Variants in DLGAP4 observed in about 807,000 individuals in gnomAD.
The protein encoded by DLGAP4 is disks large-associated protein 4.
A neutral mutation model predicts 86.9 loss-of-function variants in DLGAP4; 18 were observed. The observed-to-expected ratio is 0.21, with a 90% confidence interval of 0.14 to 0.31. The LOEUF is 0.31. DLGAP4 is among the 10% of genes least tolerant of loss of function. DLGAP4 has a pLI of 1.00. For missense variants in DLGAP4, 1,085 were observed against 1,362.6 expected (o/e 0.80, Z 3.21); for synonymous variants, 548 against 574.3 (o/e 0.95, Z 0.65).
rs182440530 is a variant in DLGAP4, at chr20:36,342,874, G to C, written c.-303-24171G>C. On this transcript the variant is annotated intron_variant, in intron 1 of 12. Coordinates refer to ENST00000339266, the MANE Select transcript of DLGAP4 (RefSeq NM_001365621.2). ...CTCAGCAGAGGCGACATTTGTGCTA[G>C]GCCCTGAGGCATGAGAAGGAGCCAT... Among the ~76,000 whole-genome samples the C allele has an allele frequency of 7.0e-4, 106 of 152,324 alleles. 2 individuals are homozygous for C. Among genetic ancestry groups the C allele is most frequent in the Non-Finnish European group, 1.1e-3 (77 of 68,036 alleles).
intron 2 of DLGAP4, among the ~76,000 whole-genome samples, chr20:36,382,082 G>C (rs780574626): frequency 1.5e-4 from 23 of 152,236 alleles, no homozygotes; most frequent in Non-Finnish European, 3.1e-4. Context: ...GTACCCCAAG[G>C]TGAGAAGTGA....
In DLGAP4 at chr20:36,306,364, G is replaced by A. The variant is rs1445893136; in HGVS notation, c.-452G>A. On this transcript the variant is annotated 5_prime_UTR_variant, in exon 1 of 13. Transcript: ENST00000339266. The surrounding 1 kb of genome is among the most constrained non-coding windows in gnomAD (Gnocchi z 4.9). Reference sequence around the variant, plus strand: ...GCAGCCGCATCTGGGGCGCCGCGCCGGCCGGAGGAGAGGCATGGGGCGCCC... The same window carrying A: ...GCAGCCGCATCTGGGGCGCCGCGCCAGCCGGAGGAGAGGCATGGGGCGCCC... 2.0e-5 allele frequency: 3 copies of A among 149,904 alleles called. No individual in the cohort carries two copies. The highest frequency in any genetic ancestry group is 7.3e-5 in the African/African-American group (3 of 41,132). The allele number at this position is 149,904 out of a possible 1,614,324, so 9.3% of individuals were successfully genotyped here. A position where few individuals can be genotyped will look rare whatever the true frequency, so the allele number is the denominator to read the frequency against.
rs1600475203 is a variant in DLGAP4 at position 36,393,487 on chromosome 20, C to T, written c.-73+26212C>T. 1.3e-5 allele frequency among the ~76,000 whole-genome samples: 2 copies of T among 152,270 alleles called. No homozygotes were observed. Among genetic ancestry groups the T allele is most frequent in the African/African-American group, 4.8e-5 (2 of 41,548 alleles). On this transcript the variant is annotated intron_variant, in intron 2 of 12. Transcript: ENST00000339266. The surrounding 1 kb of genome is among the most constrained non-coding windows in gnomAD (Gnocchi z 4.4). Reference sequence around the variant, plus strand: ...CTCTGGGGTCTGGAAACCCAGCCCTCTTGGTAAGCTGGGAAGTATGGGGCT... The same window carrying T: ...CTCTGGGGTCTGGAAACCCAGCCCTTTTGGTAAGCTGGGAAGTATGGGGCT...
At chr20:36,340,696 G>A (rs1287369506) in intron 1 of DLGAP4, among the ~76,000 whole-genome samples, 1 of 152,160 alleles carries the variant, frequency 6.6e-6, no homozygotes, top group African/African-American at 2.4e-5. Flanking sequence ...ATGAGAAGAG[G>A]CGGAGACACT....
Position 36,436,147 on chromosome 20 carries a change from G to T in DLGAP4, c.1038G>T (p.Leu346=). ...GGGGEWSTTL[L]SPRETDAAAE... is the part of the protein sequence containing the mutation. The stretch of plus-strand genomic sequence containing the variant: ...GCGGCGAGTGGAGCACCACGCTGCT[G>T]TCCCCACGCGAGACGGATGCCGCGG... The change falls in exon 4 of 13, where the codon CTG becomes CTT. Residue 346 remains leucine (L), a synonymous_variant. Coordinates refer to ENST00000339266, the MANE Select transcript of DLGAP4 (RefSeq NM_001365621.2). The T allele has an allele frequency of 1.9e-6, 3 of 1,593,368 alleles. No homozygotes were observed. Among genetic ancestry groups the T allele is most frequent in the Non-Finnish European group, 2.6e-6 (3 of 1,176,108 alleles).
chr20:36,335,405 T>A (rs1171376812), intron 1 of DLGAP4, among the ~76,000 whole-genome samples: 1 of 152,200 alleles, frequency 6.6e-6, no homozygotes, highest in Non-Finnish European at 1.5e-5. Flanking sequence ...AGCCTCTGTT[T>A]GCTCATCTAT....
intron 2 of DLGAP4, among the ~76,000 whole-genome samples, chr20:36,408,209 A>G (rs901935447): frequency 6.6e-6 from 1 of 151,774 alleles, no homozygotes; most frequent in South Asian, 2.1e-4. Context: ...TTTGGGAGAT[A>G]ATCCCCGGAA....
intron 1 of DLGAP4, among the ~76,000 whole-genome samples, chr20:36,337,316 C>T (rs1319964670): frequency 1.9e-5 from 2 of 104,040 alleles, no homozygotes; most frequent in Middle Eastern, 6.1e-3. Context: ...CTATGCCCAG[C>T]GGCAGGCTGT....
intron 2 of DLGAP4, among the ~76,000 whole-genome samples, chr20:36,395,551 T>A (rs557561344): frequency 6.6e-6 from 1 of 152,056 alleles, no homozygotes; most frequent in Non-Finnish European, 1.5e-5. Flanking sequence ...CAGGCTGGAG[T>A]GCAGTGGCGC....
chr20:36,388,905 G>A (rs375526980), intron 2 of DLGAP4, among the ~76,000 whole-genome samples: 15 of 152,320 alleles, frequency 9.8e-5, no homozygotes, highest in African/African-American at 3.1e-4. Flanking sequence ...CTCTGGCCAG[G>A]ATAAGGACCA....
At chr20:36,495,316 C>T (rs1229726640) in intron 7 of DLGAP4, among the ~76,000 whole-genome samples, 1 of 152,106 alleles carries the variant, frequency 6.6e-6, no homozygotes, top group Admixed American at 6.6e-5. Flanking sequence ...TTTCTACAGT[C>T]CTTTGTCCAC....
chr20:36,519,092 G>A (rs1055950878), intron 10 of DLGAP4, among the ~76,000 whole-genome samples: 13 of 151,556 alleles, frequency 8.6e-5, no homozygotes, highest in Non-Finnish European at 1.2e-4. Flanking sequence ...ACACCAGCCC[G>A]GGCAACAGTG....
intron 7 of DLGAP4, among the ~76,000 whole-genome samples, chr20:36,457,229 T>A (rs1340161071): frequency 1.3e-5 from 2 of 151,824 alleles, no homozygotes; most frequent in East Asian, 1.9e-4. Flanking sequence ...GAAGACTTTT[T>A]TTTTTTTAAG....
In DLGAP4 at chr20:36,307,939, C is replaced by T. The variant is rs1052211195; in HGVS notation, c.-304+1427C>T. 2.6e-5 allele frequency among the ~76,000 whole-genome samples: 4 copies of T among 152,258 alleles called. No homozygotes were observed. In the East Asian group the frequency reaches 7.7e-4, roughly 29 times the overall value. ...TTGGTGGCCACCTCTCTCTTGCCTT[C>T]TCTGCCAGAGGGCACTGGGCTGCCT... is the stretch of plus-strand genomic sequence containing the variant. On this transcript the variant is annotated intron_variant, in intron 1 of 12. Transcript: ENST00000339266.
chr20:36,307,430 T>C (rs910118320), intron 1 of DLGAP4, among the ~76,000 whole-genome samples: 7 of 152,134 alleles, frequency 4.6e-5, no homozygotes, highest in Admixed American at 6.5e-5. Flanking sequence ...CATCCCTCCA[T>C]CCCTCCATCC....
chr20:36,497,615 A>T, intron 8 of DLGAP4: 2 of 987,690 alleles, frequency 2.0e-6, no homozygotes, highest in Non-Finnish European at 1.2e-6. Context: ...AGGTGGCTTG[A>T]GGTACCAGGC....
chr20:36,400,600 G>A (rs2032127708), intron 2 of DLGAP4, among the ~76,000 whole-genome samples: 1 of 152,098 alleles, frequency 6.6e-6, no homozygotes. Context: ...GGGGTCTGAG[G>A]GGGTTGGATG....
intron 1 of DLGAP4, among the ~76,000 whole-genome samples, chr20:36,317,244 T>C (rs1408213593): frequency 5.6e-5 from 3 of 53,214 alleles, no homozygotes; most frequent in African/African-American, 2.3e-4. Context: ...TCTTTCTTTC[T>C]TTCTTTCTTT....
chr20:36,469,362 G>A (rs1185660581), intron 7 of DLGAP4, among the ~76,000 whole-genome samples: 1 of 152,038 alleles, frequency 6.6e-6, no homozygotes, highest in Non-Finnish European at 1.5e-5. Context: ...TGGGCCTGTG[G>A]CTTAGGTCTA....
Sources: allele counts gnomAD v4.1 joint callset (sites outside exome capture counted in the v4.1 genomes callset), GRCh38; gene constraint gnomAD v4.1.1; non-coding constraint Gnocchi (gnomAD v3.1); transcripts MANE v1.5; gene names NCBI Gene and HGNC (gene_info 2026-07-23, HGNC 2026-07-21).